Variants in DROSHA observed in about 807,000 individuals in gnomAD.
The protein encoded by DROSHA is drosha ribonuclease III, also known as ribonuclease 3.
DROSHA carries 56 observed loss-of-function variants against 181.9 expected under a neutral mutation model. The ratio of observed to expected loss-of-function variants is 0.31; its 90% CI spans 0.25 to 0.38. The LOEUF is 0.38. Ranked by LOEUF, DROSHA falls within the 10% of genes least tolerant of loss-of-function variation. The pLI, the probability that DROSHA is intolerant of heterozygous loss-of-function variation, is 1.00. For synonymous variants in DROSHA, 524 were observed against 591.2 expected (o/e 0.89, Z 1.65); for missense variants, 1,218 against 1,743.5 (o/e 0.70, Z 5.37).
In DROSHA at chr5:31,409,221, C is replaced by T. The variant is rs755098624; in HGVS notation, c.3750+29G>A. 1 of 1,603,864 alleles carries T rather than the reference C, an allele frequency of 6.2e-7. No homozygotes were observed. Among genetic ancestry groups the T allele is most frequent in the South Asian group, 1.1e-5 (1 of 89,340 alleles). On this transcript the variant is annotated intron_variant, in intron 32 of 35. Transcript: ENST00000344624. This position sits in a 1 kb window ranked among gnomAD's most constrained non-coding sequence, Gnocchi z 4.0. ...CTGGAATCACCAAACATAAAGCAGA[C>T]CACTAATTCAAACTTTATATGAGCT...
chr5:31,417,149 T>C (rs1742040976), intron 30 of DROSHA, among the ~76,000 whole-genome samples: 1 of 152,114 alleles, frequency 6.6e-6, no homozygotes, highest in South Asian at 2.1e-4. Context: ...TAAGATGACA[T>C]CTGAACAGAG....
intron 27 of DROSHA, among the ~76,000 whole-genome samples, chr5:31,427,777 C>T (rs1743667801): frequency 6.6e-6 from 1 of 152,206 alleles, no homozygotes; most frequent in South Asian, 2.1e-4. Context: ...GCTAATTAGG[C>T]TTTCATGATG....
chr5:31,481,671 A>T (rs1751048481), intron 16 of DROSHA, among the ~76,000 whole-genome samples: 1 of 152,234 alleles, frequency 6.6e-6, no homozygotes, highest in Non-Finnish European at 1.5e-5. Context: ...TAATACTAAA[A>T]ATCTGAGTAA....
intron 27 of DROSHA, among the ~76,000 whole-genome samples, chr5:31,426,724 T>C (rs1743515290): frequency 6.6e-6 from 1 of 152,166 alleles, no homozygotes; most frequent in African/African-American, 2.4e-5. Flanking sequence ...ATGAAAACTA[T>C]TAAATGCTAC....
At chr5:31,412,952 G>A (rs1032762477) in intron 30 of DROSHA, among the ~76,000 whole-genome samples, 1 of 152,160 alleles carries the variant, frequency 6.6e-6, no homozygotes, top group Non-Finnish European at 1.5e-5. Context: ...TGAATAAGTT[G>A]GGTCCTCTCC....
rs192538914 is a variant in DROSHA, at chr5:31,457,110, T to C, written c.2575-5470A>G. Among the ~76,000 whole-genome samples, 113 of 140,978 alleles carry C rather than the reference T, an allele frequency of 8.0e-4. No individual in the cohort carries two copies. The Middle Eastern group carries it at 0.011, about 14-fold the overall frequency. 92.5% of individuals were successfully genotyped at this position (140,978 alleles called of 152,430 possible). Reference sequence around the variant, plus strand: ...ACATATATATTTGCTTTCATAAAAATAGGAAATTAAGCCTTTTTTTTTTTT... The same window carrying C: ...ACATATATATTTGCTTTCATAAAAACAGGAAATTAAGCCTTTTTTTTTTTT... On this transcript the variant is annotated intron_variant, in intron 20 of 35. Coordinates refer to ENST00000344624, the MANE Select transcript of DROSHA (RefSeq NM_001382508.1).
rs182279764 is a variant in DROSHA at position 31,495,895 on chromosome 5, C to T, written c.1669-523G>A. On this transcript the variant is annotated intron_variant, in intron 11 of 35. Transcript: ENST00000344624. ...GTAGCTCTGCCCTTGTTGCAGACAG[C>T]TGGACAGGGTCTTGTCCTGTGGGTG... is the stretch of plus-strand genomic sequence containing the variant. 5.9e-5 allele frequency among the ~76,000 whole-genome samples: 9 copies of T among 152,304 alleles called. No homozygotes were observed. The East Asian group carries it at 1.5e-3, about 26-fold the overall frequency.
At chr5:31,492,904 T>C (rs1752577704) in intron 13 of DROSHA, among the ~76,000 whole-genome samples, 1 of 152,206 alleles carries the variant, frequency 6.6e-6, no homozygotes, top group South Asian at 2.1e-4. Context: ...CAACCCAAAA[T>C]AGCTTTAACA....
At chr5:31,448,156 A>C (rs964348650) in intron 23 of DROSHA, among the ~76,000 whole-genome samples, 6 of 152,252 alleles carry the variant, frequency 3.9e-5, no homozygotes, top group African/African-American at 1.4e-4. Flanking sequence ...ATATCATGGA[A>C]TATTATTTAG....
At chr5:31,452,485 TC>T (rs1486864257) in intron 20 of DROSHA, among the ~76,000 whole-genome samples, 1 of 152,212 alleles carries the variant, frequency 6.6e-6, no homozygotes, top group Non-Finnish European at 1.5e-5. Flanking sequence ...GGAAGTCATA[TC>T]TTTTTCTTTT....
chr5:31,488,828 G>A (rs1199372140), intron 13 of DROSHA, among the ~76,000 whole-genome samples: 1 of 152,188 alleles, frequency 6.6e-6, no homozygotes, highest in East Asian at 1.9e-4. Context: ...TGGAAAGGAA[G>A]AGAAAAATTT....
chr5:31,501,387 C>T (rs1362307662), intron 11 of DROSHA, among the ~76,000 whole-genome samples: 5 of 152,000 alleles, frequency 3.3e-5, no homozygotes, highest in South Asian at 2.1e-4. Flanking sequence ...GCAGACCCAA[C>T]GTGCTACTCA....
At chr5:31,421,714 C>G (rs1742678100) in intron 29 of DROSHA, 1 of 192,838 alleles carries the variant, frequency 5.2e-6, no homozygotes, top group African/African-American at 2.4e-5. Context: ...CAAACAGGTC[C>G]AAGACTTTTC....
At chr5:31,498,798 G>A (rs1483097421) in intron 11 of DROSHA, among the ~76,000 whole-genome samples, 6 of 151,958 alleles carry the variant, frequency 3.9e-5, no homozygotes, top group African/African-American at 1.5e-4. Context: ...TGGAGATTGC[G>A]GTGAGCCGAA....
At chr5:31,494,605 G>A (rs973379306) in intron 12 of DROSHA, among the ~76,000 whole-genome samples, 1 of 151,882 alleles carries the variant, frequency 6.6e-6, no homozygotes, top group African/African-American at 2.4e-5. Flanking sequence ...GGGCAACAAA[G>A]TGAGATCTCA....
At chr5:31,500,666 AGTG>A (rs1481738620) in intron 11 of DROSHA, among the ~76,000 whole-genome samples, 4 of 152,222 alleles carry the variant, frequency 2.6e-5, no homozygotes, top group Non-Finnish European at 5.9e-5. Flanking sequence ...CAGGAAGATC[AGTG>A]GTAGCCTCCT....
intron 3 of DROSHA, among the ~76,000 whole-genome samples, chr5:31,529,613 T>G (rs1235716372): frequency 6.6e-6 from 1 of 151,678 alleles, no homozygotes; most frequent in Non-Finnish European, 1.5e-5. Flanking sequence ...TGGGCGCCTG[T>G]AGTCCCAGCT....
rs1738042479 is a variant in DROSHA at position 31,506,932 on chromosome 5, A to T, written c.1587+1689T>A. On this transcript the variant is annotated intron_variant, in intron 10 of 35. Transcript: ENST00000344624. ...CTAAACAGCATTAGAAAGACTGTTTACAAAGCACTGTTGAATTTCTGATAG... is the reference window on the plus strand; with the variant it reads ...CTAAACAGCATTAGAAAGACTGTTTTCAAAGCACTGTTGAATTTCTGATAG... Among the ~76,000 whole-genome samples, 3 of 152,228 alleles carry T rather than the reference A, an allele frequency of 2.0e-5. No homozygotes were observed. In the South Asian group the frequency reaches 6.2e-4, roughly 31 times the overall value.
chr5:31,497,746 T>C (rs1753158512), intron 11 of DROSHA, among the ~76,000 whole-genome samples: 1 of 152,218 alleles, frequency 6.6e-6, no homozygotes, highest in African/African-American at 2.4e-5. Context: ...TCCCCAGCTG[T>C]CGTGTTGGTG....
Sources: allele counts gnomAD v4.1 joint callset (sites outside exome capture counted in the v4.1 genomes callset), GRCh38; gene constraint gnomAD v4.1.1; non-coding constraint Gnocchi (gnomAD v3.1); transcripts MANE v1.5; gene names NCBI Gene and HGNC (gene_info 2026-07-23, HGNC 2026-07-21).